Variants in SREK1 observed in about 807,000 individuals in gnomAD.
SREK1 encodes the protein splicing regulatory glutamine/lysine-rich protein 1.
SREK1 carries 13 observed loss-of-function variants against 66.5 expected under a neutral mutation model. The observed-to-expected ratio is 0.20, with a 90% CI of 0.13 to 0.31. The LOEUF is 0.31. Among genes scored for constraint, SREK1 ranks in the 10% least tolerant of loss-of-function variants. The pLI is 1.00. For missense variants in SREK1, 607 were observed against 769.6 expected, an observed-to-expected ratio of 0.79 and a Z score of 2.50; for synonymous variants, 265 against 263.5, an observed-to-expected ratio of 1.01 and a Z score of -0.05.
At position 66,180,700 on chromosome 5, in the gene SREK1, A is replaced by G. The variant is rs1746419046; in HGVS notation, c.*1832A>G. Reference sequence around the variant, plus strand: ...ATGGTCATTTTAATCATTCAGCCACATACGGTTGGCTGGTAAACAGCTTAT... The same window carrying G: ...ATGGTCATTTTAATCATTCAGCCACGTACGGTTGGCTGGTAAACAGCTTAT... On this transcript the variant is annotated 3_prime_UTR_variant, in exon 12 of 12. Coordinates refer to ENST00000334121, the MANE Select transcript of SREK1 (RefSeq NM_001077199.3). 6.6e-6 allele frequency: 1 copy of G among 152,570 alleles called. No individual in the cohort carries two copies. The allele number at this position is 152,570 out of a possible 1,614,324, so 9.5% of individuals were successfully genotyped here. A position where few individuals can be genotyped will look rare whatever the true frequency, so the allele number is the denominator to read the frequency against.
intron 8 of SREK1, 125 bp downstream of exon 8, chr5:66,170,295 A>ATGAGAGAAT: frequency 2.4e-6 from 3 of 1,260,072 alleles, no homozygotes; most frequent in Non-Finnish European, 3.2e-6. Context: ...AATGAGAGAA[A>ATGAGAGAAT]TTAAACCTTT....
intron 2 of SREK1, chr5:66,156,135 C>G: frequency 6.9e-7 from 1 of 1,441,076 alleles, no homozygotes; most frequent in Non-Finnish European, 9.1e-7. Context: ...GCCACTAAAC[C>G]TGCCGTCAAG....
chr5:66,166,397 G>A (rs1274268576), intron 7 of SREK1: 1 of 152,158 alleles, frequency 6.6e-6, no homozygotes. Flanking sequence ...GAAGTTTTAT[G>A]TGCTTTATGT....
At chr5:66,155,220 T>G (rs1744182424) in intron 2 of SREK1, among the ~76,000 whole-genome samples, 1 of 152,222 alleles carries the variant, frequency 6.6e-6, no homozygotes, top group Non-Finnish European at 1.5e-5. Flanking sequence ...CACAGTCAGA[T>G]GTACCTTTTT....
At position 66,177,632 on chromosome 5, in the gene SREK1, T is replaced by C. The variant is rs1746166821; in HGVS notation, c.1699T>C (p.Leu567=). The C allele has an allele frequency of 3.1e-6, 5 of 1,606,200 alleles. No homozygotes were observed. The African/African-American group carries it at 5.4e-5, about 17-fold the overall frequency. The change falls in exon 11 of 12, where the codon TTG becomes CTG. Residue 567 remains leucine, a synonymous_variant. Transcript: ENST00000334121. ...TAATGATAGAGATGGGAAGGAGAAG[T>C]TGGAGAAGAACAGTACTTCACTTAA... ...SSNDRDGKEK[L]EKNSTSLKEK... is the part of the protein sequence containing the mutation.
At chr5:66,158,869 C>T (rs1454874731) in intron 2 of SREK1, 2 of 1,293,068 alleles carry the variant, frequency 1.5e-6, no homozygotes, top group Non-Finnish European at 2.0e-6. Flanking sequence ...CGCGAAAACA[C>T]CGTCCTGGGA....
chr5:66,157,030 A>G (rs1464427744), intron 2 of SREK1: 2 of 984,932 alleles, frequency 2.0e-6, no homozygotes, highest in Non-Finnish European at 2.4e-6. Flanking sequence ...GTAGAATTCT[A>G]TCTTGGAAAT....
At chr5:66,160,909 T>G (rs1374181026) in intron 3 of SREK1, among the ~76,000 whole-genome samples, 1 of 152,228 alleles carries the variant, frequency 6.6e-6, no homozygotes, top group Non-Finnish European at 1.5e-5. Flanking sequence ...TTTCAAATTC[T>G]GAGATCTTAC....
intron 7 of SREK1, chr5:66,165,900 A>C (rs2112046592): frequency 6.6e-6 from 1 of 152,244 alleles, no homozygotes; most frequent in South Asian, 2.1e-4. Context: ...GTGTTGATCA[A>C]GGAGATTCAA....
Position 66,162,594 on chromosome 5 carries a change from TAAG to T in SREK1, c.755+5_755+7del, listed in dbSNP as rs745872786. The stretch of plus-strand genomic sequence containing the variant: ...TATGTTTGGAGACAGGCCACTGAAG[TAAG>T]AAATCCTAAACAAAGAAATTTTAAT... On this transcript the variant is annotated splice_donor_5th_base_variant and intron_variant, in intron 5 of 11. Transcript: ENST00000334121. 1 of 1,593,212 alleles carries T rather than the reference TAAG, an allele frequency of 6.3e-7. No homozygotes were observed. The highest frequency in any genetic ancestry group is 1.3e-5 in the African/African-American group (1 of 74,382).
In SREK1 at chr5:66,162,283, TAAA is replaced by T. The variant is rs1198550144; in HGVS notation, c.576+11_576+13del. On this transcript the variant is annotated intron_variant, in intron 4 of 11. Transcript: ENST00000334121. ...AAATCTGAATTCCCAGGTAACTAATTAAAGAAGAAACAAAGCAGCAGTAGCCCT... is the reference window on the plus strand; with the variant it reads ...AAATCTGAATTCCCAGGTAACTAATTGAAGAAACAAAGCAGCAGTAGCCCT... The T allele has an allele frequency of 1.5e-5, 24 of 1,613,746 alleles. No homozygotes were observed. The highest frequency in any genetic ancestry group is 1.9e-5 in the Non-Finnish European group (23 of 1,179,754).
rs1746340868 is a variant in SREK1, at chr5:66,179,520, C to G, written c.*652C>G. 6.6e-6 allele frequency: 1 copy of G among 152,468 alleles called. No homozygotes were observed. Among genetic ancestry groups the G allele is most frequent in the African/African-American group, 2.4e-5 (1 of 41,402 alleles). 9.4% of individuals were successfully genotyped at this position (152,468 alleles called of 1,614,324 possible). A position where few individuals can be genotyped will look rare whatever the true frequency, so the allele number is the denominator to read the frequency against. On this transcript the variant is annotated 3_prime_UTR_variant, in exon 12 of 12. Transcript: ENST00000334121. ...AACTGACAATGCATGCTACTGTTCT[C>G]TTTCAAAAGGAAGAGCAACCGTGTT...
At chr5:66,164,719 T>A in intron 6 of SREK1, 64 bp from the exon 7 acceptor site, 1 of 1,612,466 alleles carries the variant, frequency 6.2e-7, no homozygotes, top group South Asian at 1.1e-5. Context: ...CACTTGTGCC[T>A]GATTATTAAC....
Position 66,175,018 on chromosome 5 carries a change from T to A in SREK1, c.1557T>A (p.Ser519=), listed in dbSNP as rs774163635. The A allele has an allele frequency of 8.7e-6, 14 of 1,612,486 alleles. No homozygotes were observed. Among genetic ancestry groups the A allele is most frequent in the Non-Finnish European group, 1.1e-5 (13 of 1,179,082 alleles). Residue 519 remains serine (S), a synonymous_variant, in exon 10 of 12, where the codon TCT becomes TCA. Coordinates refer to ENST00000334121, the MANE Select transcript of SREK1 (RefSeq NM_001077199.3). ...CATCAAAAACCATAAAAAGGAAATC[T>A]TCTAGATCTCCGTCCCCCAGGAGGT... The part of the protein sequence containing the change: ...PRTSKTIKRK[S]SRSPSPRSRN...
chr5:66,152,132 G>A (rs544420166), intron 1 of SREK1, among the ~76,000 whole-genome samples: 1 of 152,258 alleles, frequency 6.6e-6, no homozygotes, highest in South Asian at 2.1e-4. Context: ...GATTACAGGC[G>A]TGAGCCACTG....
In SREK1 at chr5:66,170,751, G is replaced by A; in HGVS notation, c.1288G>A (p.Glu430Lys). The change falls in exon 9 of 12, where the codon GAA (glutamate) becomes AAA (lysine). Residue 430 changes from glutamate to lysine, a missense_variant. Around this residue, in one of 5 missense-constraint regions of SREK1, gnomAD observed 318 missense variants for 310.3 expected, o/e 1.02. Transcript: ENST00000334121. The stretch of plus-strand genomic sequence containing the variant: ...GGAAAAGGACCGGGAAAAAGACAAG[G>A]AAAAGGACAGAGAGAGAGAACGGGA... Reference protein sequence around the residue: ...EREKDREKDKEKDREREREKE... With the variant: ...EREKDREKDKKKDREREREKE... 2 of 1,599,038 alleles carry A rather than the reference G, an allele frequency of 1.3e-6. No homozygotes were observed. The highest frequency in any genetic ancestry group is 1.7e-6 in the Non-Finnish European group (2 of 1,172,200).
In SREK1 at chr5:66,162,143, C is replaced by G. The variant is rs1744825804; in HGVS notation, c.446C>G (p.Pro149Arg). ...TCACTTAGCAGTTTGGGAGCTATAC[C>G]AGCAGCAGCACTAGACCCCAACATT... ...GVSLSSLGAI[P>R]AAALDPNIAT... Residue 149 changes from proline (P) to arginine (R), a missense_variant, in exon 4 of 12, where the codon CCA (proline) becomes CGA (arginine). Around this residue, in one of 5 missense-constraint regions of SREK1, gnomAD observed 99 missense variants for 186.6 expected, o/e 0.53. Coordinates refer to ENST00000334121, the MANE Select transcript of SREK1 (RefSeq NM_001077199.3). 1 of 1,613,598 alleles carries G rather than the reference C, an allele frequency of 6.2e-7. No homozygotes were observed. Among genetic ancestry groups the G allele is most frequent in the Non-Finnish European group, 8.5e-7 (1 of 1,179,764 alleles).
intron 1 of SREK1, among the ~76,000 whole-genome samples, chr5:66,145,802 C>T (rs1199152878): frequency 5.5e-5 from 8 of 145,088 alleles, no homozygotes; most frequent in Non-Finnish European, 4.5e-5. Flanking sequence ...ATAACACTGT[C>T]TCCCTTGAAT....
intron 2 of SREK1, chr5:66,156,152 CTTCA>C: frequency 7.1e-7 from 1 of 1,405,746 alleles, no homozygotes; most frequent in Non-Finnish European, 9.2e-7. Context: ...CAAGTGAAAC[CTTCA>C]TTGGGGAAAT....
Sources: gnomAD v4.1 joint callset for allele counts (sites outside exome capture counted in the v4.1 genomes callset) on GRCh38, gnomAD v4.1.1 for gene constraint, gnomAD v4.1.1 regional missense constraint, MANE v1.5 for transcripts, NCBI Gene and HGNC (gene_info 2026-07-23, HGNC 2026-07-21) for gene names.